The following NKAIN1 variants were observed in gnomAD, a reference collection of about 807,000 sequenced individuals.
NKAIN1 encodes sodium/potassium transporting ATPase interacting 1.
Under a neutral mutation model 31.6 loss-of-function variants are expected in NKAIN1, and 13 were observed. The observed-to-expected ratio is 0.41, with a 90% CI of 0.27 to 0.65. The LOEUF (loss-of-function observed/expected upper bound fraction) is 0.65. Ranked by LOEUF, NKAIN1 falls within the 30% of genes least tolerant of loss-of-function variation. The pLI is 0.30. For missense variants in NKAIN1, 193 were observed against 262.2 expected (o/e 0.74, Z 1.82); for synonymous variants, 104 against 109.0 (o/e 0.95, Z 0.28).
chr1:31,238,112 C>T (rs1645705429), intron 1 of NKAIN1, among the ~76,000 whole-genome samples: 1 of 152,178 alleles, frequency 6.6e-6, no homozygotes, highest in South Asian at 2.1e-4. Context: ...GGGGAAGTCA[C>T]TTGTCCAGTC....
rs1330791208 is a variant in NKAIN1, at chr1:31,219,045, TG to T, written c.54+20448del. On this transcript the variant is annotated intron_variant, in intron 1 of 6. Transcript: ENST00000373736. ...CCTTCTCTAACATTTGGGGGCCTTG[TG>T]GACCAGGGCAGGAGCACCAATGCGG... Among the ~76,000 whole-genome samples, 6 of 152,376 alleles carry T rather than the reference TG, an allele frequency of 3.9e-5. No individual in the cohort carries two copies. The East Asian group carries it at 5.8e-4, about 15-fold the overall frequency.
intron 1 of NKAIN1, among the ~76,000 whole-genome samples, chr1:31,232,420 TATATAGAGAGAG>T (rs1262798725): frequency 2.0e-4 from 6 of 30,044 alleles, no homozygotes; most frequent in African/African-American, 3.2e-4. Context: ...TATATATATA[TATATAGAGAGAG>T]AGAGAGAGAG....
At chr1:31,220,871 A>C (rs1391527317) in intron 1 of NKAIN1, among the ~76,000 whole-genome samples, 3 of 151,738 alleles carry the variant, frequency 2.0e-5, no homozygotes, top group African/African-American at 4.9e-5. Context: ...GGGTTCATTC[A>C]AGCATCACAC....
At chr1:31,216,260 C>T (rs760326268) in intron 1 of NKAIN1, among the ~76,000 whole-genome samples, 3 of 151,912 alleles carry the variant, frequency 2.0e-5, no homozygotes, top group Admixed American at 6.6e-5. Context: ...AGGAGTGGAG[C>T]GAGGAGGGCA....
Position 31,185,313 on chromosome 1 carries a change from C to A in NKAIN1, c.207G>T (p.Leu69=), listed in dbSNP as rs1199188913. 6 of 1,609,346 alleles carry A rather than the reference C, an allele frequency of 3.7e-6. No homozygotes were observed. Among genetic ancestry groups the A allele is most frequent in the Non-Finnish European group, 3.4e-6 (4 of 1,177,720 alleles). ...SRYLILYAAW[L]VLWVGWNAFI... is the part of the protein sequence containing the mutation. Reference sequence around the variant, plus strand: ...ATGCATTCCAGCCAACCCAGAGCACCAGCCAGGCTGCATACTGGGGAAAGC... The same window carrying A: ...ATGCATTCCAGCCAACCCAGAGCACAAGCCAGGCTGCATACTGGGGAAAGC... Residue 69 remains leucine (L), a synonymous_variant, in exon 3 of 7, where the codon CTG becomes CTT. Coordinates refer to ENST00000373736, the MANE Select transcript of NKAIN1 (RefSeq NM_024522.3).
chr1:31,218,386 A>C (rs1475344199), intron 1 of NKAIN1, among the ~76,000 whole-genome samples: 1 of 151,998 alleles, frequency 6.6e-6, no homozygotes, highest in Non-Finnish European at 1.5e-5. Context: ...CTAAGCCTTA[A>C]CTAAGTGCCA....
intron 1 of NKAIN1, among the ~76,000 whole-genome samples, chr1:31,223,646 G>C (rs7545649): frequency 0.32 from 48,121 of 151,890 alleles, 9,672 homozygotes; most frequent in African/African-American, 0.57. Context: ...GGGTTTCACC[G>C]TGTTAGCCAG....
At chr1:31,221,624 CG>C (rs907598161) in intron 1 of NKAIN1, among the ~76,000 whole-genome samples, 7 of 151,896 alleles carry the variant, frequency 4.6e-5, no homozygotes, top group African/African-American at 7.3e-5. Flanking sequence ...TTAGTAGAGC[CG>C]GGGTTTCACC....
rs561308415 is a variant in NKAIN1 at position 31,215,842 on chromosome 1, C to A, written c.54+23652G>T. On this transcript the variant is annotated intron_variant, in intron 1 of 6. Coordinates refer to ENST00000373736, the MANE Select transcript of NKAIN1 (RefSeq NM_024522.3). Reference sequence around the variant, plus strand: ...TTCTCTTCAGAATACCTGGCTCTGACCTATAATAAAAGCACTAATAACAAT... The same window carrying A: ...TTCTCTTCAGAATACCTGGCTCTGAACTATAATAAAAGCACTAATAACAAT... Among the ~76,000 whole-genome samples the A allele has an allele frequency of 3.5e-4, 54 of 152,286 alleles. No individual in the cohort carries two copies. The South Asian group carries it at 0.011, about 30-fold the overall frequency.
chr1:31,235,796 T>C (rs1569596696), intron 1 of NKAIN1, among the ~76,000 whole-genome samples: 1 of 152,096 alleles, frequency 6.6e-6, no homozygotes, highest in African/African-American at 2.4e-5. Flanking sequence ...TTGCCCCAAA[T>C]TGCAGGATGT....
intron 1 of NKAIN1, among the ~76,000 whole-genome samples, chr1:31,229,621 CCAGA>C (rs558574432): frequency 8.6e-5 from 13 of 151,874 alleles, no homozygotes; most frequent in South Asian, 2.1e-4. Context: ...TCTCAGCTCA[CCAGA>C]CAGACAGACA....
intron 1 of NKAIN1, among the ~76,000 whole-genome samples, chr1:31,189,665 G>A (rs1645271104): frequency 6.6e-6 from 1 of 152,202 alleles, no homozygotes; most frequent in Non-Finnish European, 1.5e-5. Context: ...CACATGGCTT[G>A]AGTGGGGCTG....
chr1:31,224,624 G>A (rs2377731), intron 1 of NKAIN1, among the ~76,000 whole-genome samples: 48,149 of 152,120 alleles, frequency 0.32, 9,669 homozygotes, highest in African/African-American at 0.57. Flanking sequence ...ATAAAAGGAA[G>A]TTAACAAGAA....
chr1:31,225,696 C>T (rs762952652), intron 1 of NKAIN1, among the ~76,000 whole-genome samples: 5 of 148,174 alleles, frequency 3.4e-5, no homozygotes, highest in African/African-American at 5.2e-5. Flanking sequence ...GAGAGCCCCC[C>T]TCTCAGAAAA....
chr1:31,236,506 T>C (rs149952149), intron 1 of NKAIN1, among the ~76,000 whole-genome samples: 2,527 of 152,246 alleles, frequency 0.017, 32 homozygotes, highest in Non-Finnish European at 0.025. Flanking sequence ...GGCTGGTGAA[T>C]TCCAACATCC....
intron 3 of NKAIN1, 146 bp from the exon 4 acceptor site, chr1:31,184,160 A>G: frequency 1.5e-6 from 1 of 651,060 alleles, no homozygotes; most frequent in Non-Finnish European, 2.6e-6. Context: ...GGTGGCACTT[A>G]ATGACCACAC....
rs183499799 is a variant in NKAIN1, at chr1:31,216,112, C to T, written c.54+23382G>A. Reference sequence around the variant, plus strand: ...GAGGAGACTTTCTCTCCCTCTATCTCGCAGGCAGGCTGGGAAGATTAAAGG... The same window carrying T: ...GAGGAGACTTTCTCTCCCTCTATCTTGCAGGCAGGCTGGGAAGATTAAAGG... On this transcript the variant is annotated intron_variant, in intron 1 of 6. Coordinates refer to ENST00000373736, the MANE Select transcript of NKAIN1 (RefSeq NM_024522.3). 4.6e-5 allele frequency among the ~76,000 whole-genome samples: 7 copies of T among 151,318 alleles called. No homozygotes were observed. The East Asian group carries it at 7.8e-4, about 17-fold the overall frequency.
At chr1:31,231,731 A>T (rs12040632) in intron 1 of NKAIN1, among the ~76,000 whole-genome samples, 111 of 149,532 alleles carry the variant, frequency 7.4e-4, no homozygotes, top group South Asian at 1.7e-3. Context: ...AGGGTTTCAC[A>T]GTGTTAGCCA....
At chr1:31,204,253 A>G (rs915890565) in intron 1 of NKAIN1, among the ~76,000 whole-genome samples, 5 of 152,120 alleles carry the variant, frequency 3.3e-5, no homozygotes, top group South Asian at 2.1e-4. Context: ...GTCTGAGCAT[A>G]GAGACATGGA....
Sources: allele counts gnomAD v4.1 joint callset (sites outside exome capture counted in the v4.1 genomes callset), GRCh38; gene constraint gnomAD v4.1.1; transcripts MANE v1.5; gene names NCBI Gene and HGNC (gene_info 2026-07-23, HGNC 2026-07-21).